The following MAST2 variants were observed in gnomAD, a reference collection of about 807,000 sequenced individuals.
MAST2 encodes microtubule-associated serine/threonine-protein kinase 2.
MAST2 carries 70 observed loss-of-function variants against 147.4 expected under a neutral mutation model. The ratio of observed to expected loss-of-function variants is 0.47; its 90% confidence interval spans 0.39 to 0.58. The LOEUF is 0.58. Among genes scored for constraint, MAST2 ranks in the 20% least tolerant of loss-of-function variants. The pLI is 0.00. For synonymous variants in MAST2, 869 were observed against 896.8 expected (o/e 0.97, Z 0.55); for missense variants, 2,080 against 2,302.3 (o/e 0.90, Z 1.98).
intron 3 of MAST2, among the ~76,000 whole-genome samples, chr1:45,835,178 A>G (rs747561448): frequency 7.9e-5 from 12 of 152,138 alleles, no homozygotes; most frequent in Non-Finnish European, 1.3e-4. Flanking sequence ...TGTTACATAC[A>G]TCCTACCAAT....
chr1:45,888,462 ACACC>A (rs1440932000), intron 4 of MAST2, among the ~76,000 whole-genome samples: 1 of 151,930 alleles, frequency 6.6e-6, no homozygotes, highest in Non-Finnish European at 1.5e-5. Flanking sequence ...TCCCGGGTTC[ACACC>A]ATTCTCCCAC....
chr1:46,029,598 A>G (rs752688900), intron 19 of MAST2, 31 bp downstream of exon 19: 10 of 1,599,626 alleles, frequency 6.3e-6, no homozygotes, highest in Admixed American at 1.7e-5. Context: ...TTTTCTCACT[A>G]CTTGGAAAAG....
At chr1:45,970,122 G>A (rs996713818) in intron 5 of MAST2, among the ~76,000 whole-genome samples, 16 of 152,136 alleles carry the variant, frequency 1.1e-4, no homozygotes, top group East Asian at 3.9e-4. Context: ...AGAATGCTCC[G>A]GCGCGTATCA....
At chr1:45,979,494 C>G (rs1644313624) in intron 5 of MAST2, among the ~76,000 whole-genome samples, 3 of 150,334 alleles carry the variant, frequency 2.0e-5, no homozygotes. Context: ...GGATTCTTCT[C>G]AATAATGTCA....
At chr1:45,806,829 G>C (rs762491015) in intron 1 of MAST2, among the ~76,000 whole-genome samples, 2 of 152,072 alleles carry the variant, frequency 1.3e-5, no homozygotes, top group Non-Finnish European at 2.9e-5. Context: ...TGCCCGCCTT[G>C]GCCTCCCAAA....
chr1:46,019,321 T>C (rs1646087392), intron 10 of MAST2, among the ~76,000 whole-genome samples: 1 of 152,110 alleles, frequency 6.6e-6, no homozygotes, highest in African/African-American at 2.4e-5. Context: ...AGCTAGGGTC[T>C]GGAGGGTAAG....
At chr1:45,976,648 G>A (rs1440905494) in intron 5 of MAST2, among the ~76,000 whole-genome samples, 1 of 152,146 alleles carries the variant, frequency 6.6e-6, no homozygotes, top group Non-Finnish European at 1.5e-5. Flanking sequence ...TGAATTGTAC[G>A]ATAAAAATGT....
At chr1:45,824,193 C>T (rs942936853) in intron 1 of MAST2, among the ~76,000 whole-genome samples, 1 of 152,164 alleles carries the variant, frequency 6.6e-6, no homozygotes. Flanking sequence ...AAATGTCTGT[C>T]ATCCCATGAC....
At chr1:45,962,501 T>A (rs1318264659) in intron 5 of MAST2, among the ~76,000 whole-genome samples, 2 of 152,238 alleles carry the variant, frequency 1.3e-5, no homozygotes, top group African/African-American at 4.8e-5. Flanking sequence ...TGGTTTTGAT[T>A]TGCATTTCTC....
At chr1:45,882,012 TAAAAAAA>T (rs71062722) in intron 3 of MAST2, among the ~76,000 whole-genome samples, 4 of 39,834 alleles carry the variant, frequency 1.0e-4, no homozygotes, top group Non-Finnish European at 1.4e-4. Context: ...CCGTCTCTAC[TAAAAAAA>T]AAAAAAAAAA....
intron 1 of MAST2, among the ~76,000 whole-genome samples, chr1:45,809,157 G>A (rs936809987): frequency 6.6e-6 from 1 of 152,124 alleles, no homozygotes; most frequent in Non-Finnish European, 1.5e-5. Flanking sequence ...TTCCTCTGAG[G>A]CTGTCTTAAT....
intron 4 of MAST2, among the ~76,000 whole-genome samples, chr1:45,937,837 A>G (rs1656523865): frequency 6.6e-6 from 1 of 151,368 alleles, no homozygotes; most frequent in African/African-American, 2.4e-5. Context: ...TACTAAATTT[A>G]ATTGCCTATT....
At chr1:45,826,685 A>G (rs891696092) in intron 2 of MAST2, among the ~76,000 whole-genome samples, 1 of 151,956 alleles carries the variant, frequency 6.6e-6, no homozygotes, top group East Asian at 1.9e-4. Context: ...CTCCATGCTT[A>G]CTATAGCTTA....
intron 1 of MAST2, among the ~76,000 whole-genome samples, chr1:45,816,202 G>A (rs889476172): frequency 6.9e-5 from 4 of 57,988 alleles, no homozygotes; most frequent in African/African-American, 2.4e-4. Context: ...ATTGGGGGTG[G>A]GGGGGAGAGA....
chr1:45,987,777 A>ATTTTTTTTTTTTTTTTTTTTTTTT lies in MAST2; in HGVS notation c.593-9946_593-9923dup. On this transcript the variant is annotated intron_variant, in intron 5 of 28. Transcript: ENST00000361297. ...AGCATTTCTTGTTTTTTTTTTTTTG[A>ATTTTTTTTTTTTTTTTTTTTTTTT]TTTTTTTTTTTTTTTTTTTTTTTTG... 2.0e-3 allele frequency among the ~76,000 whole-genome samples: 44 copies of ATTTTTTTTTTTTTTTTTTTTTTTT among 21,806 alleles called. 6 individuals carry two copies. The highest frequency in any genetic ancestry group is 3.2e-3 in the South Asian group (1 of 310). The allele number at this position is 21,806 out of a possible 152,430, so 14.3% of individuals were successfully genotyped here.
chr1:46,006,315 G>T lies in MAST2; in HGVS notation c.822G>T (p.Thr274=). 1 of 1,613,908 alleles carries T rather than the reference G, an allele frequency of 6.2e-7. No individual in the cohort carries two copies. Among genetic ancestry groups the T allele is most frequent in the Non-Finnish European group, 8.5e-7 (1 of 1,179,874 alleles). ...QPTADELHFL[T]KHFSTESVPD... ...CAGCTGATGAGCTGCACTTTTTGAC[G>T]AAGCATTTCAGCACAGAGAGCGTAC... The change falls in exon 8 of 29, where the codon ACG becomes ACT. Residue 274 remains threonine (T), a synonymous_variant. Coordinates refer to ENST00000361297, the MANE Select transcript of MAST2 (RefSeq NM_015112.3).
At chr1:46,030,108 T>C in intron 20 of MAST2, 21 bp from the exon 21 acceptor site, 14 of 1,612,466 alleles carry the variant, frequency 8.7e-6, no homozygotes, top group Non-Finnish European at 1.2e-5. Context: ...TGAAGGAAAG[T>C]GTCCTTTATG....
chr1:45,996,100 C>G (rs529379115), intron 5 of MAST2, among the ~76,000 whole-genome samples: 1 of 151,542 alleles, frequency 6.6e-6, no homozygotes, highest in African/African-American at 2.4e-5. Context: ...TTTTTCCCCT[C>G]TCGGTGTTAG....
chr1:46,023,719 C>T lies in MAST2; in HGVS notation c.1572-53C>T, dbSNP rs1018979410. 7.7e-6 allele frequency: 12 copies of T among 1,551,874 alleles called. No homozygotes were observed. The highest frequency in any genetic ancestry group is 1.1e-5 in the Non-Finnish European group (12 of 1,133,402). ...AGAAGGCAGTTTGGGTGGCAGAGAG[C>T]ACAGCTCAGGTGCTGAGGGTCCATG... is the stretch of plus-strand genomic sequence containing the variant. On this transcript the variant is annotated intron_variant, in intron 14 of 28. Transcript: ENST00000361297. The surrounding 1 kb of genome is among the most constrained non-coding windows in gnomAD (Gnocchi z 4.9).
Sources: allele counts gnomAD v4.1 joint callset (sites outside exome capture counted in the v4.1 genomes callset), GRCh38; gene constraint gnomAD v4.1.1; non-coding constraint Gnocchi (gnomAD v3.1); transcripts MANE v1.5; gene names NCBI Gene and HGNC (gene_info 2026-07-23, HGNC 2026-07-21).